Variants in PPIG observed in about 807,000 individuals in gnomAD.
PPIG encodes peptidyl-prolyl cis-trans isomerase G.
A neutral mutation model predicts 87.9 loss-of-function variants in PPIG; 26 were observed. That is an observed-to-expected ratio of 0.30 (90% CI 0.22 to 0.41). PPIG has a LOEUF of 0.41. PPIG is among the 10% of genes least tolerant of loss of function. The pLI, the probability that PPIG is intolerant of heterozygous loss-of-function variation, is 1.00. For missense variants in PPIG, 722 were observed against 879.4 expected, an observed-to-expected ratio of 0.82 and a Z score of 2.26; for synonymous variants, 308 against 276.5, an observed-to-expected ratio of 1.11 and a Z score of -1.13.
intron 1 of PPIG, among the ~76,000 whole-genome samples, chr2:169,596,391 C>T (rs1358245718): frequency 6.6e-6 from 1 of 152,194 alleles, no homozygotes; most frequent in African/African-American, 2.4e-5. Flanking sequence ...AGGCGTGAGC[C>T]TTCGCACCCG....
At chr2:169,627,140 C>G (rs1685909369) in intron 9 of PPIG, among the ~76,000 whole-genome samples, 1 of 152,200 alleles carries the variant, frequency 6.6e-6, no homozygotes, top group Non-Finnish European at 1.5e-5. Context: ...GCTTTGTCTC[C>G]CAGGCTGGAT....
At chr2:169,614,858 C>G (rs543536985) in intron 9 of PPIG, 134 bp downstream of exon 9, 2 of 1,085,022 alleles carry the variant, frequency 1.8e-6, no homozygotes, top group East Asian at 5.4e-5. Flanking sequence ...TATTTCTGTG[C>G]TTTTATTTTT....
At chr2:169,632,468 G>A (rs1454917126) in intron 11 of PPIG, among the ~76,000 whole-genome samples, 3 of 152,180 alleles carry the variant, frequency 2.0e-5, no homozygotes, top group Non-Finnish European at 2.9e-5. Flanking sequence ...CAGGCTGGGC[G>A]CAGTGGCTCA....
intron 7 of PPIG, among the ~76,000 whole-genome samples, chr2:169,610,945 C>T (rs540166222): frequency 3.9e-5 from 6 of 152,292 alleles, no homozygotes; most frequent in African/African-American, 1.4e-4. Flanking sequence ...GTGGCTCATG[C>T]CTGTAATCCC....
At chr2:169,594,631 T>C (rs867247023) in intron 1 of PPIG, among the ~76,000 whole-genome samples, 19,640 of 142,594 alleles carry the variant, frequency 0.14, 1,003 homozygotes, top group Middle Eastern at 0.2. Flanking sequence ...TTTTCTTTTT[T>C]TTTTTTTTTT....
intron 1 of PPIG, chr2:169,584,777 C>G (rs1314974809): frequency 9.9e-6 from 3 of 302,564 alleles, no homozygotes; most frequent in Non-Finnish European, 1.9e-5. Flanking sequence ...AGGCGCACAC[C>G]TCCCTCACTG....
chr2:169,618,071 G>A (rs540162510), intron 9 of PPIG, among the ~76,000 whole-genome samples: 29 of 152,272 alleles, frequency 1.9e-4, no homozygotes, highest in Admixed American at 8.5e-4. Flanking sequence ...AAGAGCTGTT[G>A]AATTTTATCA....
chr2:169,584,946 G>A (rs1193325034), intron 1 of PPIG: 3 of 197,728 alleles, frequency 1.5e-5, no homozygotes, highest in Non-Finnish European at 3.1e-5. Flanking sequence ...CTGACGTCCT[G>A]TCAGGCTAGG....
chr2:169,610,356 C>G (rs1333291832), intron 7 of PPIG, among the ~76,000 whole-genome samples: 1 of 152,088 alleles, frequency 6.6e-6, no homozygotes, highest in Admixed American at 6.6e-5. Flanking sequence ...AGTTAAACAC[C>G]AAGTTTAAAA....
rs139771517 is a variant in PPIG, at chr2:169,631,817, T to C, written c.813T>C (p.Thr271=). The C allele has an allele frequency of 6.2e-7, 1 of 1,613,860 alleles. No homozygotes were observed. Among genetic ancestry groups the C allele is most frequent in the Non-Finnish European group, 8.5e-7 (1 of 1,179,796 alleles). Residue 271 remains threonine, a synonymous_variant, in exon 11 of 14, where the codon ACT becomes ACC. Transcript: ENST00000260970. The part of the protein sequence containing the change: ...AENLEAQPQS[T]VRPEEIPPIP... ...ATCTTGAAGCACAACCCCAGTCTACTGTCCGTCCAGAAGAGATCCCTCCTA... is the reference window on the plus strand; with the variant it reads ...ATCTTGAAGCACAACCCCAGTCTACCGTCCGTCCAGAAGAGATCCCTCCTA...
rs1353966921 is a variant in PPIG, at chr2:169,637,701, A to G, written c.*178A>G. ...TTTTTGATAATCTGCAATCTGGATA[A>G]TTTGTACTGCTAAAGTTTTAATAAA... On this transcript the variant is annotated 3_prime_UTR_variant, in exon 14 of 14. Coordinates refer to ENST00000260970, the MANE Select transcript of PPIG (RefSeq NM_004792.3). 2 of 615,626 alleles carry G rather than the reference A, an allele frequency of 3.2e-6. No individual in the cohort carries two copies. The highest frequency in any genetic ancestry group is 3.8e-5 in the African/African-American group (2 of 53,132). The allele number at this position is 615,626 out of a possible 1,614,324, so 38.1% of individuals were successfully genotyped here.
At chr2:169,612,453 G>A (rs1325874835) in intron 7 of PPIG, among the ~76,000 whole-genome samples, 2 of 145,192 alleles carry the variant, frequency 1.4e-5, no homozygotes, top group African/African-American at 5.2e-5. Context: ...GCAGAATCTC[G>A]GCTCACTGCA....
rs912307751 is a variant in PPIG, at chr2:169,593,187, T to TTTTA, written c.-70+8717_-70+8720dup. On this transcript the variant is annotated intron_variant, in intron 1 of 13. Coordinates refer to ENST00000260970, the MANE Select transcript of PPIG (RefSeq NM_004792.3). ...ATAATAGCAGTACATTTATTATTTA[T>TTTTA]TTTATTTATTTATTTATTTATTTTG... 1.3e-4 allele frequency among the ~76,000 whole-genome samples: 19 copies of TTTTA among 151,824 alleles called. No individual in the cohort carries two copies. In the South Asian group the frequency reaches 2.1e-3, roughly 17 times the overall value.
chr2:169,610,512 T>C (rs10203109), intron 7 of PPIG, among the ~76,000 whole-genome samples: 21,847 of 151,864 alleles, frequency 0.14, 1,643 homozygotes, highest in South Asian at 0.25. Context: ...GTTTATGAAA[T>C]AGTAACATTT....
At chr2:169,591,970 A>G (rs1354899347) in intron 1 of PPIG, among the ~76,000 whole-genome samples, 1 of 115,880 alleles carries the variant, frequency 8.6e-6, no homozygotes, top group Non-Finnish European at 1.6e-5. Flanking sequence ...TCTGTTGGCC[A>G]GGCTGGAGTG....
chr2:169,600,940 AC>A (rs1325890196), intron 1 of PPIG, among the ~76,000 whole-genome samples: 9 of 141,626 alleles, frequency 6.4e-5, no homozygotes, highest in Admixed American at 6.3e-4. Context: ...CAAACCTTAT[AC>A]GTAAAGCTGA....
chr2:169,617,814 C>G (rs1008579727), intron 9 of PPIG, among the ~76,000 whole-genome samples: 1 of 152,168 alleles, frequency 6.6e-6, no homozygotes, highest in Non-Finnish European at 1.5e-5. Flanking sequence ...GACAATTTGA[C>G]TTCCTCTCTT....
chr2:169,594,180 T>C (rs1684950375), intron 1 of PPIG, among the ~76,000 whole-genome samples: 1 of 152,154 alleles, frequency 6.6e-6, no homozygotes, highest in Non-Finnish European at 1.5e-5. Flanking sequence ...ATTTTACTGG[T>C]TCAAAGTATA....
rs974782088 is a variant in PPIG, at chr2:169,628,968, A to G, written c.548-1806A>G. 7.6e-4 allele frequency among the ~76,000 whole-genome samples: 110 copies of G among 144,932 alleles called. 1 individual carries two copies. The highest frequency in any genetic ancestry group is 1.3e-3 in the Non-Finnish European group (88 of 65,952). On this transcript the variant is annotated intron_variant, in intron 9 of 13. Transcript: ENST00000260970. ...AAAAAAAAAAAAAAAAAAAAAAAAA[A>G]GGCAAGGATAAATTTTCCAAATACC...
Sources: gnomAD v4.1 joint callset for allele counts (sites outside exome capture counted in the v4.1 genomes callset) on GRCh38, gnomAD v4.1.1 for gene constraint, MANE v1.5 for transcripts, NCBI Gene and HGNC (gene_info 2026-07-23, HGNC 2026-07-21) for gene names.